The following NSUN7 variants were observed in gnomAD, a reference collection of about 807,000 sequenced individuals.
NSUN7 encodes NOP2/Sun RNA methyltransferase family member 7, also known as protein NSUN7.
NSUN7 carries 39 observed loss-of-function variants against 58.5 expected under a neutral mutation model. That is an observed-to-expected ratio of 0.67 (90% CI 0.52 to 0.87). The LOEUF (loss-of-function observed/expected upper bound fraction) is 0.87. NSUN7 is among the 40% of genes least tolerant of loss of function. The probability of loss-of-function intolerance (pLI) is 0.00; values close to 1 mark genes in which losing one functional copy is unlikely to be tolerated. For synonymous variants in NSUN7, 278 were observed against 303.7 expected (o/e 0.92, Z 0.88); for missense variants, 765 against 844.1 (o/e 0.91, Z 1.16).
chr4:40,758,652 C>G (rs983817370), intron 2 of NSUN7, among the ~76,000 whole-genome samples: 4 of 151,038 alleles, frequency 2.6e-5, no homozygotes, highest in Non-Finnish European at 4.4e-5. Context: ...TGGCAAAAAC[C>G]CATCTCTACA....
chr4:40,788,411 C>G (rs1742931218), intron 7 of NSUN7, among the ~76,000 whole-genome samples: 1 of 152,070 alleles, frequency 6.6e-6, no homozygotes, highest in Non-Finnish European at 1.5e-5. Flanking sequence ...GGTCAGGAAG[C>G]TGAATAAGAG....
chr4:40,808,705 C>G lies in NSUN7; in HGVS notation c.1923C>G (p.Asp641Glu). 6.4e-7 allele frequency: 1 copy of G among 1,551,386 alleles called. No individual in the cohort carries two copies. Among genetic ancestry groups the G allele is most frequent in the Non-Finnish European group, 8.7e-7 (1 of 1,146,984 alleles). The change falls in exon 12 of 12, where the codon GAC becomes GAG. Residue 641 changes from aspartate to glutamate, a missense_variant. Physicochemically the swap from Asp to Glu is conservative, Grantham distance 45 (BLOSUM62 2). Coordinates refer to ENST00000381782, the MANE Select transcript of NSUN7 (RefSeq NM_024677.6). Reference protein sequence around the residue: ...QTHFLRPRPEDRMVALKPIKI... With the variant: ...QTHFLRPRPEERMVALKPIKI... ...ACTTCTTAAGACCTCGGCCAGAAGA[C>G]AGAATGGTTGCTCTGAAACCCATCA...
At chr4:40,797,274 G>A (rs1171696404) in intron 9 of NSUN7, among the ~76,000 whole-genome samples, 2 of 152,130 alleles carry the variant, frequency 1.3e-5, no homozygotes, top group Non-Finnish European at 2.9e-5. Flanking sequence ...CTTGGTGATT[G>A]TATCTAGTCT....
intron 7 of NSUN7, among the ~76,000 whole-genome samples, chr4:40,778,604 G>T (rs143211324): frequency 2.6e-5 from 4 of 152,294 alleles, no homozygotes; most frequent in African/African-American, 9.6e-5. Context: ...GAATCTGCTG[G>T]TGCCTTGATC....
At chr4:40,797,393 A>AG (rs1484193854) in intron 9 of NSUN7, among the ~76,000 whole-genome samples, 1 of 152,108 alleles carries the variant, frequency 6.6e-6, no homozygotes, top group African/African-American at 2.4e-5. Context: ...ATCTCCACTT[A>AG]GGGACTCATA....
At position 40,757,556 on chromosome 4, in the gene NSUN7, T is replaced by TTA. The variant is rs558638656; in HGVS notation, c.299-2865_299-2864dup. Among the ~76,000 whole-genome samples, 1,156 of 141,954 alleles carry TTA rather than the reference T, an allele frequency of 8.1e-3. 20 individuals are homozygous for TTA. The highest frequency in any genetic ancestry group is 0.029 in the African/African-American group (1,057 of 36,252). 93.1% of individuals were successfully genotyped at this position (141,954 alleles called of 152,430 possible). On this transcript the variant is annotated intron_variant, in intron 2 of 11. Transcript: ENST00000381782. ...AAAATTATATATATATATATAAAAA[T>TTA]TATATATATATATAAATTGCATATA...
At chr4:40,772,667 G>A (rs1413828569) in intron 4 of NSUN7, among the ~76,000 whole-genome samples, 2 of 152,146 alleles carry the variant, frequency 1.3e-5, no homozygotes, top group Non-Finnish European at 2.9e-5. Flanking sequence ...AAGAAAAGAA[G>A]TAGGGATTTA....
intron 2 of NSUN7, 149 bp downstream of exon 2, chr4:40,751,140 G>A (rs1057426908): frequency 4.8e-5 from 39 of 814,770 alleles, no homozygotes; most frequent in Non-Finnish European, 7.0e-5. Flanking sequence ...CAAGTGTCAA[G>A]GAATTAGGGT....
chr4:40,772,801 T>G (rs1333099970), intron 4 of NSUN7, among the ~76,000 whole-genome samples: 4 of 152,208 alleles, frequency 2.6e-5, no homozygotes, highest in Non-Finnish European at 5.9e-5. Context: ...GCTCCCCTTC[T>G]GTACCACCCA....
intron 2 of NSUN7, among the ~76,000 whole-genome samples, chr4:40,753,436 G>C (rs554483689): frequency 6.6e-6 from 1 of 152,104 alleles, no homozygotes; most frequent in East Asian, 1.9e-4. Flanking sequence ...ACCACGCCTG[G>C]CTAATTTTTT....
chr4:40,778,780 G>C (rs1742387888), intron 7 of NSUN7, among the ~76,000 whole-genome samples: 1 of 152,152 alleles, frequency 6.6e-6, no homozygotes, highest in African/African-American at 2.4e-5. Context: ...TGAGTAGCCA[G>C]GGAGAAAATA....
chr4:40,788,982 A>G (rs1742958306), intron 7 of NSUN7, among the ~76,000 whole-genome samples: 1 of 152,240 alleles, frequency 6.6e-6, no homozygotes, highest in Non-Finnish European at 1.5e-5. Flanking sequence ...GCAGTAGAAG[A>G]GAGGAAATTT....
At chr4:40,780,792 C>CATAT (rs765088042) in intron 7 of NSUN7, among the ~76,000 whole-genome samples, 97 of 98,758 alleles carry the variant, frequency 9.8e-4, no homozygotes, top group Middle Eastern at 6.5e-3. Flanking sequence ...CACACATACA[C>CATAT]ATATATATAT....
At chr4:40,780,813 A>ATTTT (rs1171816788) in intron 7 of NSUN7, among the ~76,000 whole-genome samples, 9 of 63,252 alleles carry the variant, frequency 1.4e-4, no homozygotes, top group Non-Finnish European at 2.2e-4. Context: ...ATATATATAT[A>ATTTT]TTTTTTTTTT....
chr4:40,784,575 T>A lies in NSUN7; in HGVS notation c.1037-6027T>A, dbSNP rs558277137. Among the ~76,000 whole-genome samples, 22 of 152,290 alleles carry A rather than the reference T, an allele frequency of 1.4e-4. No homozygotes were observed. The South Asian group carries it at 4.6e-3, about 32-fold the overall frequency. The stretch of plus-strand genomic sequence containing the variant: ...GAGGACAATATCCCAAATAGGCAAA[T>A]CTATGGAGACAGAATAGATTAGCAA... On this transcript the variant is annotated intron_variant, in intron 7 of 11. Transcript: ENST00000381782.
chr4:40,802,548 G>C (rs1743630529), intron 10 of NSUN7, among the ~76,000 whole-genome samples: 2 of 152,120 alleles, frequency 1.3e-5, no homozygotes, highest in African/African-American at 4.8e-5. Flanking sequence ...GCAAGTAGGA[G>C]TAAGCCCAGA....
rs1315140106 is a variant in NSUN7 at position 40,808,709 on chromosome 4, A to C, written c.1927A>C (p.Met643Leu). The change falls in exon 12 of 12, where the codon ATG becomes CTG. Residue 643 changes from methionine (M) to leucine (L), a missense_variant. Transcript: ENST00000381782. ...CTTAAGACCTCGGCCAGAAGACAGA[A>C]TGGTTGCTCTGAAACCCATCAAGAT... ...HFLRPRPEDR[M>L]VALKPIKIVL... 1 of 1,551,224 alleles carries C rather than the reference A, an allele frequency of 6.4e-7. No individual in the cohort carries two copies. The highest frequency in any genetic ancestry group is 2.0e-5 in the Admixed American group (1 of 50,868).
Position 40,808,816 on chromosome 4 carries a change from T to C in NSUN7, c.2034T>C (p.Arg678=), listed in dbSNP as rs1254050305. The change falls in exon 12 of 12, where the codon CGT becomes CGC. Residue 678 remains arginine (R), a synonymous_variant. Transcript: ENST00000381782. ...TGCCAACTCAACATTTGTACTGTCGTTGGGTTGCACCCAAGGCACTTGTGC... is the reference window on the plus strand; with the variant it reads ...TGCCAACTCAACATTTGTACTGTCGCTGGGTTGCACCCAAGGCACTTGTGC... The part of the protein sequence containing the change: ...SRMPTQHLYC[R]WVAPKALVPT... 3 of 1,549,474 alleles carry C rather than the reference T, an allele frequency of 1.9e-6. No homozygotes were observed. Among genetic ancestry groups the C allele is most frequent in the Non-Finnish European group, 2.6e-6 (3 of 1,146,690 alleles).
At chr4:40,766,677 C>T (rs990808994) in intron 4 of NSUN7, among the ~76,000 whole-genome samples, 73 of 152,064 alleles carry the variant, frequency 4.8e-4, no homozygotes, top group Non-Finnish European at 8.5e-4. Context: ...CTCCTTGTAC[C>T]TCTGGTAGAA....
Sources: allele counts gnomAD v4.1 joint callset (sites outside exome capture counted in the v4.1 genomes callset), GRCh38; gene constraint gnomAD v4.1.1; transcripts MANE v1.5; gene names NCBI Gene and HGNC (gene_info 2026-07-23, HGNC 2026-07-21).